Variants in LRP12 observed in about 807,000 individuals in gnomAD.
LRP12 encodes LDL receptor related protein 12, also known as low-density lipoprotein receptor-related protein 12.
A neutral mutation model predicts 66.0 loss-of-function variants in LRP12; 14 were observed. The observed-to-expected ratio is 0.21, with a 90% CI of 0.14 to 0.33. The LOEUF (loss-of-function observed/expected upper bound fraction) is 0.33. Ranked by LOEUF, LRP12 falls within the 10% of genes least tolerant of loss-of-function variation. LRP12 has a pLI of 1.00. For missense variants in LRP12, 889 were observed against 1,053.4 expected (o/e 0.84, Z 2.16); for synonymous variants, 357 against 359.1 (o/e 0.99, Z 0.07).
At chr8:104,576,942 C>T (rs1375671728) in intron 1 of LRP12, among the ~76,000 whole-genome samples, 1 of 152,054 alleles carries the variant, frequency 6.6e-6, no homozygotes, top group Non-Finnish European at 1.5e-5. Flanking sequence ...AAGAAAAAAG[C>T]AATCCTAGTT....
chr8:104,562,506 G>C (rs1811928506), intron 1 of LRP12, among the ~76,000 whole-genome samples: 1 of 152,076 alleles, frequency 6.6e-6, no homozygotes, highest in African/African-American at 2.4e-5. Context: ...CATCAGCAAA[G>C]ATCAACATTT....
chr8:104,556,299 C>A (rs1811807494), intron 1 of LRP12, among the ~76,000 whole-genome samples: 1 of 151,894 alleles, frequency 6.6e-6, no homozygotes, highest in Non-Finnish European at 1.5e-5. Context: ...AAGATCAGAG[C>A]AGAACTAAAT....
intron 4 of LRP12, 46 bp downstream of exon 4, chr8:104,499,271 A>C: frequency 6.9e-7 from 1 of 1,448,482 alleles, no homozygotes; most frequent in Non-Finnish European, 9.6e-7. Flanking sequence ...CAGAGCAGTT[A>C]ATACCATAAA....
At chr8:104,509,414 G>A (rs145822098) in intron 2 of LRP12, among the ~76,000 whole-genome samples, 78 of 152,332 alleles carry the variant, frequency 5.1e-4, no homozygotes, top group African/African-American at 1.8e-3. Flanking sequence ...GCTGTTCTGA[G>A]TAGTGATGAC....
chr8:104,588,953 G>GGAGGTAGAC lies in LRP12; in HGVS notation c.-65_-57dup, dbSNP rs1316298165. The GGAGGTAGAC allele has an allele frequency of 2.5e-5, 32 of 1,260,884 alleles. No individual in the cohort carries two copies. The highest frequency in any genetic ancestry group is 1.9e-4 in the Middle Eastern group (1 of 5,130). 78.1% of individuals were successfully genotyped at this position (1,260,884 alleles called of 1,614,324 possible). ...GACGGAGGAGGAGGGAGGAGAAGCT[G>GGAGGTAGAC]GAGGTAGACGACGCCGACGCCGCCG... On this transcript the variant is annotated 5_prime_UTR_variant, in exon 1 of 7. Transcript: ENST00000276654.
intron 1 of LRP12, among the ~76,000 whole-genome samples, chr8:104,568,795 GGA>G (rs1812040073): frequency 1.3e-5 from 2 of 152,234 alleles, no homozygotes; most frequent in African/African-American, 4.8e-5. Context: ...GCAAGGATGT[GGA>G]GAGACTGGAA....
intron 1 of LRP12, chr8:104,566,151 G>C: frequency 1.9e-6 from 1 of 524,830 alleles, no homozygotes; most frequent in South Asian, 3.1e-5. Context: ...CATAAGAGAG[G>C]CTGAGAATAT....
At chr8:104,492,161 A>C (rs1321314506) in intron 6 of LRP12, among the ~76,000 whole-genome samples, 2 of 152,198 alleles carry the variant, frequency 1.3e-5, no homozygotes, top group Non-Finnish European at 2.9e-5. Flanking sequence ...AAGAAACAAC[A>C]AAAGAACCTG....
chr8:104,540,050 C>A (rs1224169633), intron 1 of LRP12, among the ~76,000 whole-genome samples: 2 of 152,074 alleles, frequency 1.3e-5, no homozygotes, highest in African/African-American at 4.8e-5. Context: ...CACTTTCTCA[C>A]TGAGTGAGAA....
intron 1 of LRP12, among the ~76,000 whole-genome samples, chr8:104,553,453 G>T (rs574926706): frequency 4.6e-5 from 7 of 152,248 alleles, no homozygotes; most frequent in African/African-American, 1.7e-4. Flanking sequence ...AGCTGGGTAA[G>T]GCCTGTCATT....
At chr8:104,494,903 C>G (rs1051206362) in intron 6 of LRP12, among the ~76,000 whole-genome samples, 174 bp downstream of exon 6, 1 of 152,114 alleles carries the variant, frequency 6.6e-6, no homozygotes, top group African/African-American at 2.4e-5. Context: ...GAAAAATATA[C>G]TTTTGCAGTT....
Position 104,588,908 on chromosome 8 carries a change from G to A in LRP12, c.-11C>T, listed in dbSNP as rs758315111. On this transcript the variant is annotated 5_prime_UTR_variant, in exon 1 of 7. Coordinates refer to ENST00000276654, the MANE Select transcript of LRP12 (RefSeq NM_013437.5). ...CCAGCGACAGGCCATAACCACAGCAGATGGAGAGAGAGAGGAGGAGACGGA... is the reference window on the plus strand; with the variant it reads ...CCAGCGACAGGCCATAACCACAGCAAATGGAGAGAGAGAGGAGGAGACGGA... 1.3e-5 allele frequency: 21 copies of A among 1,598,284 alleles called. No homozygotes were observed. Among genetic ancestry groups the A allele is most frequent in the Admixed American group, 1.7e-5 (1 of 57,816 alleles).
intron 3 of LRP12, among the ~76,000 whole-genome samples, chr8:104,503,551 T>C (rs970373339): frequency 1.3e-5 from 2 of 152,144 alleles, no homozygotes; most frequent in Non-Finnish European, 2.9e-5. Context: ...CTATTTAGAA[T>C]ATATTGAGTC....
chr8:104,501,050 T>G (rs1810821387), intron 3 of LRP12, among the ~76,000 whole-genome samples: 1 of 152,242 alleles, frequency 6.6e-6, no homozygotes. Flanking sequence ...ATTTTTGGGT[T>G]ATTTCTATTT....
chr8:104,520,663 C>T (rs1005662696), intron 2 of LRP12, among the ~76,000 whole-genome samples: 3 of 152,000 alleles, frequency 2.0e-5, no homozygotes, highest in Non-Finnish European at 4.4e-5. Context: ...TACTGTATTT[C>T]TATTACTGCA....
In LRP12 at chr8:104,589,029, G is replaced by C. The variant is rs1460020190; in HGVS notation, c.-132C>G. ...ACCGGCTGCTCCCTGCGCTCTCCGCGGCTGCGGGAGGGGGAAGGGAGGGGC... is the reference window on the plus strand; with the variant it reads ...ACCGGCTGCTCCCTGCGCTCTCCGCCGCTGCGGGAGGGGGAAGGGAGGGGC... On this transcript the variant is annotated 5_prime_UTR_variant, in exon 1 of 7. Transcript: ENST00000276654. The C allele has an allele frequency of 7.9e-6, 4 of 505,452 alleles. No homozygotes were observed. Among genetic ancestry groups the C allele is most frequent in the South Asian group, 5.3e-5 (1 of 18,984 alleles). 31.3% of individuals were successfully genotyped at this position (505,452 alleles called of 1,614,324 possible).
chr8:104,575,499 C>G (rs980179897), intron 1 of LRP12, among the ~76,000 whole-genome samples: 2 of 152,192 alleles, frequency 1.3e-5, no homozygotes, highest in Non-Finnish European at 2.9e-5. Flanking sequence ...AGCAAGCCGT[C>G]CAGGAGTCGG....
intron 1 of LRP12, among the ~76,000 whole-genome samples, chr8:104,545,059 A>C (rs1205125775): frequency 2.0e-5 from 3 of 152,134 alleles, no homozygotes; most frequent in African/African-American, 7.2e-5. Flanking sequence ...ACCTAACAGG[A>C]GCTTGGATGA....
intron 3 of LRP12, among the ~76,000 whole-genome samples, chr8:104,501,091 T>A (rs111484569): frequency 6.6e-6 from 1 of 152,346 alleles, no homozygotes; most frequent in African/African-American, 2.4e-5. Flanking sequence ...GTTTTCCAAA[T>A]TGCCTCCTTT....
Sources: gnomAD v4.1 joint callset for allele counts (sites outside exome capture counted in the v4.1 genomes callset) on GRCh38, gnomAD v4.1.1 for gene constraint, MANE v1.5 for transcripts, NCBI Gene and HGNC (gene_info 2026-07-23, HGNC 2026-07-21) for gene names.